Variants in SETMAR observed in about 807,000 individuals in gnomAD.
The protein encoded by SETMAR is SET and mariner transposase domain methyltransferase.
In SETMAR, 44 loss-of-function variants were observed where a neutral mutation model predicts 58.4. The observed-to-expected ratio is 0.75, with a 90% CI of 0.59 to 0.97. The LOEUF (loss-of-function observed/expected upper bound fraction) is 0.97, where lower values mean the gene tolerates loss of function less well. Ranked by LOEUF, SETMAR falls within the 50% of genes least tolerant of loss-of-function variation. SETMAR has a pLI of 0.00. For synonymous variants in SETMAR, 332 were observed against 307.4 expected (o/e 1.08, Z -0.84); for missense variants, 903 against 840.2 (o/e 1.07, Z -0.92).
chr3:4,303,569 C>G (rs1698041651), intron 1 of SETMAR, 43 bp downstream of exon 1: 2 of 1,339,664 alleles, frequency 1.5e-6, no homozygotes, highest in East Asian at 3.2e-5. Context: ...GCGCGCGGCT[C>G]CCCCACGTGG....
At chr3:4,310,076 G>A (rs1221202230) in intron 1 of SETMAR, among the ~76,000 whole-genome samples, 1 of 152,176 alleles carries the variant, frequency 6.6e-6, no homozygotes, top group Non-Finnish European at 1.5e-5. Context: ...ACGCAGTGGT[G>A]TTTGTGTATC....
At chr3:4,316,140 C>A in intron 2 of SETMAR, 72 bp from the exon 3 acceptor site, 1 of 586,660 alleles carries the variant, frequency 1.7e-6, no homozygotes, top group Non-Finnish European at 3.1e-6. Context: ...TCATGTTATA[C>A]ACCATTTTAA....
At position 4,313,471 on chromosome 3, in the gene SETMAR, T is replaced by C. The variant is rs752982138; in HGVS notation, c.730T>C (p.Leu244=). The change falls in exon 2 of 3, where the codon TTG becomes CTG. Residue 244 remains leucine, a synonymous_variant. Coordinates refer to ENST00000358065, the MANE Select transcript of SETMAR (RefSeq NM_006515.4). The stretch of plus-strand genomic sequence containing the variant: ...CCGAATTGACTCAATGGTACCTAAG[T>C]TGGCACTTTTTGCAGCCAAAGATAT... ...PVRIDSMVPK[L]ALFAAKDIVP... is the part of the protein sequence containing the mutation. 1 of 1,613,998 alleles carries C rather than the reference T, an allele frequency of 6.2e-7. No homozygotes were observed. The highest frequency in any genetic ancestry group is 8.5e-7 in the Non-Finnish European group (1 of 1,179,976).
intron 2 of SETMAR, 75 bp downstream of exon 2, chr3:4,313,836 C>G (rs745753193): frequency 4.4e-6 from 7 of 1,591,442 alleles, no homozygotes; most frequent in Non-Finnish European, 6.0e-6. Flanking sequence ...TTACCTCTGC[C>G]TAGTTACATA....
intron 1 of SETMAR, among the ~76,000 whole-genome samples, chr3:4,311,369 G>A (rs1304096720): frequency 6.6e-6 from 1 of 152,182 alleles, no homozygotes; most frequent in African/African-American, 2.4e-5. Flanking sequence ...TCCTTCAGGT[G>A]CTTTAAAATC....
At chr3:4,304,006 T>TA in intron 1 of SETMAR, 1 of 414,578 alleles carries the variant, frequency 2.4e-6, no homozygotes, top group Non-Finnish European at 4.0e-6. Flanking sequence ...GGCTCAGCCT[T>TA]AGAGTCTTCC....
chr3:4,304,533 C>T (rs192346336), intron 1 of SETMAR, among the ~76,000 whole-genome samples: 34 of 152,312 alleles, frequency 2.2e-4, no homozygotes, highest in African/African-American at 7.5e-4. Context: ...GAGCGCTGGA[C>T]GTGGAAGTTG....
At chr3:4,308,765 C>G (rs1238033673) in intron 1 of SETMAR, among the ~76,000 whole-genome samples, 1 of 152,234 alleles carries the variant, frequency 6.6e-6, no homozygotes, top group Non-Finnish European at 1.5e-5. Flanking sequence ...GCACACTTTG[C>G]TCTAGTCTAA....
chr3:4,317,121 G>C lies in SETMAR; in HGVS notation c.1930G>C (p.Asp644His). 1 of 1,545,260 alleles carries C rather than the reference G, an allele frequency of 6.5e-7. No homozygotes were observed. The highest frequency in any genetic ancestry group is 8.7e-7 in the Non-Finnish European group (1 of 1,142,914). ...LQGKRFHNQQ[D>H]AENAFQEFVE... Reference sequence around the variant, plus strand: ...GGGAAAACGCTTCCACAACCAGCAGGATGCAGAAAATGCTTTCCAAGAGTT... The same window carrying C: ...GGGAAAACGCTTCCACAACCAGCAGCATGCAGAAAATGCTTTCCAAGAGTT... Residue 644 changes from aspartate to histidine, a missense_variant, in exon 3 of 3, where the codon GAT (aspartate) becomes CAT (histidine). By Grantham distance (81) the Asp-to-His change is moderately conservative (BLOSUM62 -1). Transcript: ENST00000358065.
rs931013850 is a variant in SETMAR at position 4,303,529 on chromosome 3, A to AG, written c.156+7dup. ...GGGCCGCGCCGGCGCCCTTCCAGGT[A>AG]GGGGCGGGGCCAGGCGGCGCGGGAG... On this transcript the variant is annotated splice_donor_region_variant and intron_variant, in intron 1 of 2. Transcript: ENST00000358065. The AG allele has an allele frequency of 6.4e-6, 9 of 1,413,270 alleles. No individual in the cohort carries two copies. The highest frequency in any genetic ancestry group is 2.4e-4 in the Middle Eastern group (1 of 4,220). The allele number at this position is 1,413,270 out of a possible 1,614,324, so 87.5% of individuals were successfully genotyped here.
chr3:4,316,599 A>C lies in SETMAR; in HGVS notation c.1408A>C (p.Asn470His). 6.4e-7 allele frequency: 1 copy of C among 1,551,334 alleles called. No homozygotes were observed. Among genetic ancestry groups the C allele is most frequent in the Non-Finnish European group, 8.7e-7 (1 of 1,146,810 alleles). ...VPHELTENQK[N>H]RRFEVSSSLI... Reference sequence around the variant, plus strand: ...TCATGAGCTGACTGAAAATCAAAAAAATCGTCGTTTTGAAGTGTCATCTTC... The same window carrying C: ...TCATGAGCTGACTGAAAATCAAAAACATCGTCGTTTTGAAGTGTCATCTTC... The change falls in exon 3 of 3, where the codon AAT becomes CAT. Residue 470 changes from asparagine (N) to histidine (H), a missense_variant. By Grantham distance (68) the Asn-to-His change is moderately conservative (BLOSUM62 1). Transcript: ENST00000358065.
At chr3:4,314,971 T>C (rs1362785640) in intron 2 of SETMAR, among the ~76,000 whole-genome samples, 7 of 152,308 alleles carry the variant, frequency 4.6e-5, no homozygotes, top group Non-Finnish European at 1.0e-4. Flanking sequence ...ATTGTACACT[T>C]TAAATGAGTG....
chr3:4,313,504 G>C lies in SETMAR; in HGVS notation c.763G>C (p.Glu255Gln). The C allele has an allele frequency of 1.2e-6, 2 of 1,613,754 alleles. No individual in the cohort carries two copies. Among genetic ancestry groups the C allele is most frequent in the Non-Finnish European group, 1.7e-6 (2 of 1,179,802 alleles). ...TTTTGCAGCCAAAGATATTGTGCCA[G>C]AAGAAGAACTCTCTTATGATTATTC... The part of the protein sequence containing the change: ...ALFAAKDIVP[E>Q]EELSYDYSGR... Residue 255 changes from glutamate (E) to glutamine (Q), a missense_variant, in exon 2 of 3, where the codon GAA becomes CAA. By Grantham distance (29) the Glu-to-Gln change is conservative (BLOSUM62 2). Transcript: ENST00000358065.
At chr3:4,308,322 C>A (rs558688125) in intron 1 of SETMAR, among the ~76,000 whole-genome samples, 2 of 152,290 alleles carry the variant, frequency 1.3e-5, no homozygotes, top group East Asian at 3.9e-4. Flanking sequence ...TTATTGAACA[C>A]GTACATGCTA....
At chr3:4,309,028 C>G (rs1698301930) in intron 1 of SETMAR, among the ~76,000 whole-genome samples, 1 of 152,094 alleles carries the variant, frequency 6.6e-6, no homozygotes, top group South Asian at 2.1e-4. Flanking sequence ...TGGTTCAGTC[C>G]AGAAAGACAG....
At chr3:4,311,345 C>T (rs1255109081) in intron 1 of SETMAR, among the ~76,000 whole-genome samples, 1 of 152,202 alleles carries the variant, frequency 6.6e-6, no homozygotes, top group Non-Finnish European at 1.5e-5. Context: ...GACTGGAAGA[C>T]GTGGTGCAAA....
At position 4,317,072 on chromosome 3, in the gene SETMAR, T is replaced by G; in HGVS notation, c.1881T>G (p.Phe627Leu). 6.5e-7 allele frequency: 1 copy of G among 1,549,224 alleles called. No homozygotes were observed. Among genetic ancestry groups the G allele is most frequent in the East Asian group, 2.4e-5 (1 of 40,924 alleles). ...TCTTGCCAACCAACTACCACGTCTT[T>G]AAGCATCTCAACAACTTTTTGCAGG... ...PDLLPTNYHVFKHLNNFLQGK... is the reference protein window; with the variant it reads ...PDLLPTNYHVLKHLNNFLQGK... Residue 627 changes from phenylalanine to leucine, a missense_variant, in exon 3 of 3, where the codon TTT (phenylalanine) becomes TTG (leucine). Physicochemically the swap from Phe to Leu is conservative, Grantham distance 22. Transcript: ENST00000358065.
intron 1 of SETMAR, chr3:4,303,917 A>G (rs1377993519): frequency 8.3e-7 from 1 of 1,206,678 alleles, no homozygotes; most frequent in Non-Finnish European, 1.1e-6. Context: ...GGTGTCGTGC[A>G]TAAAAACAGC....
At position 4,313,494 on chromosome 3, in the gene SETMAR, T is replaced by C; in HGVS notation, c.753T>C (p.Asp251=). ...VPKLALFAAK[D]IVPEEELSYD... is the part of the protein sequence containing the mutation. ...AGTTGGCACTTTTTGCAGCCAAAGA[T>C]ATTGTGCCAGAAGAAGAACTCTCTT... The change falls in exon 2 of 3, where the codon GAT becomes GAC. Residue 251 remains aspartate (D), a synonymous_variant. Coordinates refer to ENST00000358065, the MANE Select transcript of SETMAR (RefSeq NM_006515.4). The C allele has an allele frequency of 6.2e-7, 1 of 1,613,968 alleles. No homozygotes were observed. Among genetic ancestry groups the C allele is most frequent in the South Asian group, 1.1e-5 (1 of 91,064 alleles).
Sources: allele counts gnomAD v4.1 joint callset (sites outside exome capture counted in the v4.1 genomes callset), GRCh38; gene constraint gnomAD v4.1.1; transcripts MANE v1.5; gene names NCBI Gene and HGNC (gene_info 2026-07-23, HGNC 2026-07-21).